ADAMTSL1: variants seen among roughly 807,000 people sequenced by gnomAD.
ADAMTSL1 encodes ADAMTS-like protein 1.
In ADAMTSL1, 126 loss-of-function variants were observed where a neutral mutation model predicts 201.8. That is an observed-to-expected ratio of 0.62 (90% confidence interval 0.54 to 0.72). The LOEUF is 0.72. ADAMTSL1 is among the 30% of genes least tolerant of loss of function. ADAMTSL1 has a pLI of 0.00. For synonymous variants in ADAMTSL1, 1,121 were observed against 903.4 expected, an observed-to-expected ratio of 1.24 and a Z score of -4.32; for missense variants, 2,679 against 2,277.8, an observed-to-expected ratio of 1.18 and a Z score of -3.59.
intron 2 of ADAMTSL1, among the ~76,000 whole-genome samples, chr9:18,192,136 A>G (rs1201156593): frequency 1.3e-5 from 2 of 152,144 alleles, no homozygotes; most frequent in Non-Finnish European, 2.9e-5. Flanking sequence ...TAATAGGAAT[A>G]TTTGGATTCT....
chr9:18,108,196 ATTTTT>A (rs5896770), intron 1 of ADAMTSL1, among the ~76,000 whole-genome samples: 144 of 125,546 alleles, frequency 1.1e-3, no homozygotes, highest in African/African-American at 4.3e-3. Context: ...AGAGTGTGGA[ATTTTT>A]TTTTTTTTTT....
chr9:18,179,548 A>T (rs1352296146), intron 2 of ADAMTSL1, among the ~76,000 whole-genome samples: 1 of 152,204 alleles, frequency 6.6e-6, no homozygotes, highest in African/African-American at 2.4e-5. Context: ...ACTCCTCGAG[A>T]AGAGCAACTC....
chr9:17,996,865 C>G (rs1461779109), intron 1 of ADAMTSL1, among the ~76,000 whole-genome samples: 2 of 152,118 alleles, frequency 1.3e-5, no homozygotes, highest in African/African-American at 4.8e-5. Context: ...TATTGCATAT[C>G]TTTTTGGTAA....
intron 14 of ADAMTSL1, 32 bp from the exon 15 acceptor site, chr9:18,721,504 C>G: frequency 6.2e-7 from 1 of 1,610,198 alleles, no homozygotes; most frequent in Non-Finnish European, 8.5e-7. Context: ...ACCCACTTTG[C>G]ACTCTGGCCT....
At chr9:18,429,023 T>A (rs1396974392) in intron 2 of ADAMTSL1, among the ~76,000 whole-genome samples, 2 of 152,260 alleles carry the variant, frequency 1.3e-5, no homozygotes, top group East Asian at 1.9e-4. Context: ...ATCAATGAGT[T>A]TTTTAATGGT....
intron 1 of ADAMTSL1, among the ~76,000 whole-genome samples, chr9:17,973,761 G>T (rs539639894): frequency 1.4e-5 from 2 of 142,806 alleles, no homozygotes; most frequent in African/African-American, 5.1e-5. Context: ...TGGGCAGTAT[G>T]GCCATTTTCA....
intron 13 of ADAMTSL1, among the ~76,000 whole-genome samples, chr9:18,697,777 G>A (rs1277483628): frequency 1.3e-5 from 2 of 152,184 alleles, no homozygotes; most frequent in South Asian, 2.1e-4. Flanking sequence ...CAATTAGGTA[G>A]CCATTAAAAT....
intron 6 of ADAMTSL1, among the ~76,000 whole-genome samples, chr9:18,638,694 A>T (rs10963694): frequency 1.3e-5 from 2 of 151,966 alleles, no homozygotes; most frequent in Non-Finnish European, 2.9e-5. Context: ...TTTAAAAAGA[A>T]AATACTGAAA....
chr9:17,952,917 C>CCCTCCTCCTCCTCCTCCTCCTCCT (rs59567399), intron 1 of ADAMTSL1, among the ~76,000 whole-genome samples: 90 of 146,014 alleles, frequency 6.2e-4, no homozygotes, highest in African/African-American at 7.7e-4. Context: ...TTCCTCCTTT[C>CCCTCCTCCTCCTCCTCCTCCTCCT]CCTCCTCCTC....
At chr9:18,527,698 T>C (rs1377099839) in intron 2 of ADAMTSL1, among the ~76,000 whole-genome samples, 1 of 152,198 alleles carries the variant, frequency 6.6e-6, no homozygotes, top group Non-Finnish European at 1.5e-5. Flanking sequence ...GTATCCAGTA[T>C]ATACTAATCT....
intron 1 of ADAMTSL1, among the ~76,000 whole-genome samples, chr9:17,965,211 GT>G (rs1203435817): frequency 6.6e-6 from 1 of 152,046 alleles, no homozygotes; most frequent in Non-Finnish European, 1.5e-5. Flanking sequence ...CAATAGAAGA[GT>G]TTCAATTTTT....
rs1826328385 is a variant in ADAMTSL1, at chr9:18,139,960, A to G, written c.88-23902A>G. On this transcript the variant is annotated intron_variant, in intron 1 of 29. Transcript: ENST00000680146. ...AGGTTCTGGAAATTTAGAGGATGCT[A>G]ATGATCTCGTATTCAAATAAGTCAA... is the stretch of plus-strand genomic sequence containing the variant. Among the ~76,000 whole-genome samples, 3 of 152,292 alleles carry G rather than the reference A, an allele frequency of 2.0e-5. No individual in the cohort carries two copies. The South Asian group carries it at 6.2e-4, about 32-fold the overall frequency.
At chr9:18,100,085 G>A (rs1824450979) in intron 1 of ADAMTSL1, among the ~76,000 whole-genome samples, 1 of 151,816 alleles carries the variant, frequency 6.6e-6, no homozygotes, top group Admixed American at 6.6e-5. Flanking sequence ...TTTATGTATT[G>A]TTTCATTTTT....
chr9:18,446,268 C>T (rs1820188556), intron 2 of ADAMTSL1, among the ~76,000 whole-genome samples: 1 of 152,132 alleles, frequency 6.6e-6, no homozygotes, highest in Non-Finnish European at 1.5e-5. Flanking sequence ...AATCTCACTC[C>T]CAAATTCTCT....
chr9:18,769,024 G>A (rs575501488), intron 16 of ADAMTSL1, among the ~76,000 whole-genome samples: 1 of 152,274 alleles, frequency 6.6e-6, no homozygotes, highest in Non-Finnish European at 1.5e-5. Context: ...TATCTGATTT[G>A]ATGGGTCTGA....
chr9:18,852,908 T>C (rs1826589653), intron 23 of ADAMTSL1, among the ~76,000 whole-genome samples: 1 of 152,180 alleles, frequency 6.6e-6, no homozygotes, highest in African/African-American at 2.4e-5. Context: ...GCTGGTAAGG[T>C]AGGATTTCTG....
At chr9:18,648,658 G>C (rs1372056678) in intron 7 of ADAMTSL1, among the ~76,000 whole-genome samples, 9 of 151,894 alleles carry the variant, frequency 5.9e-5, no homozygotes, top group East Asian at 1.9e-4. Context: ...GCTTAGTTTG[G>C]CTGGATATGA....
chr9:18,740,525 A>G (rs1261908719), intron 15 of ADAMTSL1, among the ~76,000 whole-genome samples: 4 of 129,100 alleles, frequency 3.1e-5, no homozygotes, highest in African/African-American at 6.2e-5. Context: ...CACCCAGGCT[A>G]CAGTGCAATG....
At chr9:18,903,323 C>T (rs1031550349) in intron 26 of ADAMTSL1, among the ~76,000 whole-genome samples, 4 of 152,128 alleles carry the variant, frequency 2.6e-5, no homozygotes, top group Non-Finnish European at 4.4e-5. Context: ...CAGTTATATA[C>T]ACAATACATA....
Sources: allele counts gnomAD v4.1 joint callset (sites outside exome capture counted in the v4.1 genomes callset), GRCh38; gene constraint gnomAD v4.1.1; transcripts MANE v1.5; gene names NCBI Gene and HGNC (gene_info 2026-07-23, HGNC 2026-07-21).